Variants in ITPR2 observed in about 807,000 individuals in gnomAD.
ITPR2 encodes inositol 1,4,5-trisphosphate-gated calcium channel ITPR2.
ITPR2 carries 207 observed loss-of-function variants against 317.1 expected under a neutral mutation model. The observed-to-expected ratio is 0.65, with a 90% CI of 0.58 to 0.73. ITPR2 has a LOEUF of 0.73. Ranked by LOEUF, ITPR2 falls within the 30% of genes least tolerant of loss-of-function variation. ITPR2 has a pLI of 0.00. For synonymous variants in ITPR2, 1,156 were observed against 1,149.1 expected (o/e 1.01, Z -0.12); for missense variants, 2,613 against 3,284.0 (o/e 0.80, Z 4.99).
At chr12:26,695,475 GA>G in intron 10 of ITPR2, 130 bp downstream of exon 10, 2 of 690,626 alleles carry the variant, frequency 2.9e-6, no homozygotes, top group East Asian at 5.4e-5. Flanking sequence ...TTTTACCTGT[GA>G]ACCATAGGCT....
rs747088834 is a variant in ITPR2, at chr12:26,655,688, A to G, written c.2589+20T>C. 6.2e-7 allele frequency: 1 copy of G among 1,607,418 alleles called. No individual in the cohort carries two copies. The highest frequency in any genetic ancestry group is 8.5e-7 in the Non-Finnish European group (1 of 1,175,254). On this transcript the variant is annotated intron_variant, in intron 20 of 56. Coordinates refer to ENST00000381340, the MANE Select transcript of ITPR2 (RefSeq NM_002223.4). Reference sequence around the variant, plus strand: ...CTACCCAGTTACCAAAACATCCTAAATATTAGAGGGACAAAGTACCTCAAA... The same window carrying G: ...CTACCCAGTTACCAAAACATCCTAAGTATTAGAGGGACAAAGTACCTCAAA...
At chr12:26,614,463 C>G (rs1321984444) in intron 26 of ITPR2, among the ~76,000 whole-genome samples, 1 of 152,096 alleles carries the variant, frequency 6.6e-6, no homozygotes, top group Non-Finnish European at 1.5e-5. Flanking sequence ...GAAAACATAC[C>G]CTATGTCAAC....
At chr12:26,687,572 T>C (rs1948152745) in intron 10 of ITPR2, among the ~76,000 whole-genome samples, 2 of 152,138 alleles carry the variant, frequency 1.3e-5, no homozygotes, top group South Asian at 4.1e-4. Flanking sequence ...GACAACAAGA[T>C]ATTACCCCTG....
chr12:26,676,638 G>A lies in ITPR2; in HGVS notation c.1409+5236C>T, dbSNP rs201212446. On this transcript the variant is annotated intron_variant, in intron 13 of 56. Transcript: ENST00000381340. ...AAGTGAGATACAAGTAATAAAGGCA[G>A]GAGGAAGACGTAAAGAAAGGGGCAG... Among the ~76,000 whole-genome samples, 85 of 151,938 alleles carry A rather than the reference G, an allele frequency of 5.6e-4. 1 individual carries two copies. The highest frequency in any genetic ancestry group is 2.1e-3 in the East Asian group (11 of 5,188).
chr12:26,743,709 T>C (rs1949273061), intron 2 of ITPR2, among the ~76,000 whole-genome samples: 1 of 152,060 alleles, frequency 6.6e-6, no homozygotes, highest in Non-Finnish European at 1.5e-5. Context: ...CCTACCAACA[T>C]GGAGAAACCC....
At position 26,362,862 on chromosome 12, in the gene ITPR2, G is replaced by C. The variant is rs564831296; in HGVS notation, c.7858-22534C>G. Among the ~76,000 whole-genome samples, 11 of 152,276 alleles carry C rather than the reference G, an allele frequency of 7.2e-5. No individual in the cohort carries two copies. In the East Asian group the frequency reaches 2.1e-3, roughly 29 times the overall value. Reference sequence around the variant, plus strand: ...AGCATAACTGGGGAATAAAAGATGGGGAACCTACTGATGGGTGATCTTGGG... The same window carrying C: ...AGCATAACTGGGGAATAAAAGATGGCGAACCTACTGATGGGTGATCTTGGG... On this transcript the variant is annotated intron_variant, in intron 55 of 56. Transcript: ENST00000381340.
intron 2 of ITPR2, among the ~76,000 whole-genome samples, chr12:26,750,474 A>C (rs1949394794): frequency 6.6e-6 from 1 of 152,218 alleles, no homozygotes; most frequent in Non-Finnish European, 1.5e-5. Context: ...CATCCTTCAT[A>C]GAAGACATCT....
At chr12:26,371,122 G>T (rs1266270443) in intron 55 of ITPR2, among the ~76,000 whole-genome samples, 1 of 152,172 alleles carries the variant, frequency 6.6e-6, no homozygotes, top group African/African-American at 2.4e-5. Context: ...GAATGAGCTG[G>T]CAACCAAAAT....
chr12:26,772,571 A>G (rs1949889839), intron 2 of ITPR2, among the ~76,000 whole-genome samples: 1 of 140,814 alleles, frequency 7.1e-6, no homozygotes, highest in South Asian at 2.2e-4. Flanking sequence ...TTATATATAT[A>G]TATGTATCTT....
intron 1 of ITPR2, among the ~76,000 whole-genome samples, chr12:26,828,173 C>CA (rs1411188063): frequency 6.6e-6 from 1 of 152,110 alleles, no homozygotes; most frequent in African/African-American, 2.4e-5. Context: ...AACAGACCTC[C>CA]AACTAACAGA....
chr12:26,519,224 A>C (rs1054243054), intron 37 of ITPR2, among the ~76,000 whole-genome samples: 4 of 152,296 alleles, frequency 2.6e-5, no homozygotes, highest in Admixed American at 1.3e-4. Flanking sequence ...CAATAAATAA[A>C]ACCTACAATA....
chr12:26,670,754 G>A (rs879623130), intron 13 of ITPR2, among the ~76,000 whole-genome samples: 1 of 152,150 alleles, frequency 6.6e-6, no homozygotes, highest in African/African-American at 2.4e-5. Context: ...ACTACTCCGA[G>A]CTACAGGAGG....
At chr12:26,720,427 T>C (rs997375368) in intron 5 of ITPR2, among the ~76,000 whole-genome samples, 1 of 152,206 alleles carries the variant, frequency 6.6e-6, no homozygotes, top group African/African-American at 2.4e-5. Context: ...CCACTGGTTA[T>C]GAAGTGACCG....
At chr12:26,401,011 C>T (rs1264084415) in intron 52 of ITPR2, among the ~76,000 whole-genome samples, 1 of 152,082 alleles carries the variant, frequency 6.6e-6, no homozygotes, top group Non-Finnish European at 1.5e-5. Context: ...GGGTGGATCA[C>T]TTGAGGTCAG....
At chr12:26,540,005 T>G (rs1202705492) in intron 37 of ITPR2, among the ~76,000 whole-genome samples, 1 of 152,220 alleles carries the variant, frequency 6.6e-6, no homozygotes, top group Admixed American at 6.5e-5. Flanking sequence ...ATTCTAGACA[T>G]AGAAATACTT....
intron 34 of ITPR2, among the ~76,000 whole-genome samples, chr12:26,574,439 T>A (rs1447281133): frequency 6.6e-6 from 1 of 152,154 alleles, no homozygotes; most frequent in Non-Finnish European, 1.5e-5. Flanking sequence ...AAGCATACAG[T>A]CTAATCATCA....
intron 37 of ITPR2, among the ~76,000 whole-genome samples, chr12:26,534,584 A>G (rs1391034886): frequency 6.6e-6 from 1 of 152,218 alleles, no homozygotes; most frequent in East Asian, 1.9e-4. Flanking sequence ...AAAAAAATAA[A>G]GAAAAAGCAA....
intron 2 of ITPR2, among the ~76,000 whole-genome samples, chr12:26,761,564 T>G (rs770667376): frequency 9.2e-5 from 14 of 152,056 alleles, no homozygotes; most frequent in Non-Finnish European, 1.5e-4. Flanking sequence ...GAAGTGGAGG[T>G]GAGAGAATCG....
Position 26,486,210 on chromosome 12 carries a change from TCA to T in ITPR2, c.5703_5704del (p.Glu1902GlyfsTer28). 6.2e-7 allele frequency: 1 copy of T among 1,614,192 alleles called. No individual in the cohort carries two copies. The highest frequency in any genetic ancestry group is 8.5e-7 in the Non-Finnish European group (1 of 1,180,030). On this transcript the variant is annotated frameshift_variant, in exon 41 of 57. Coordinates refer to ENST00000381340, the MANE Select transcript of ITPR2 (RefSeq NM_002223.4). LOFTEE classifies it high-confidence loss of function. Reference sequence around the variant, plus strand: ...TGTTACTTCCTCTGCGGATTTTTCCTCAGTGTTTCCCGCTTCTGGTCCTGTGC... The same window carrying T: ...TGTTACTTCCTCTGCGGATTTTTCCTGTGTTTCCCGCTTCTGGTCCTGTGC...
Sources: gnomAD v4.1 joint callset for allele counts (sites outside exome capture counted in the v4.1 genomes callset) on GRCh38, gnomAD v4.1.1 for gene constraint, MANE v1.5 for transcripts, NCBI Gene and HGNC (gene_info 2026-07-23, HGNC 2026-07-21) for gene names.